The following NUSAP1 variants were observed in gnomAD, a reference collection of about 807,000 sequenced individuals.
NUSAP1 encodes the protein nucleolar and spindle-associated protein 1.
A neutral mutation model predicts 52.8 loss-of-function variants in NUSAP1; 32 were observed. The ratio of observed to expected loss-of-function variants is 0.61; its 90% CI spans 0.46 to 0.81. The LOEUF is 0.81. Among genes scored for constraint, NUSAP1 ranks in the 40% least tolerant of loss-of-function variants. The probability of loss-of-function intolerance (pLI) is 0.00; values close to 1 mark genes in which losing one functional copy is unlikely to be tolerated. For synonymous variants in NUSAP1, 195 were observed against 183.1 expected, an observed-to-expected ratio of 1.06 and a Z score of -0.52; for missense variants, 499 against 522.3, an observed-to-expected ratio of 0.96 and a Z score of 0.43.
chr15:41,373,959 G>A (rs1409170529), intron 8 of NUSAP1, among the ~76,000 whole-genome samples: 1 of 152,044 alleles, frequency 6.6e-6, no homozygotes, highest in African/African-American at 2.4e-5. Flanking sequence ...GGAGGCCAAG[G>A]CAGGTGGATC....
chr15:41,348,736 T>A (rs1205989527), intron 2 of NUSAP1, among the ~76,000 whole-genome samples: 1 of 152,120 alleles, frequency 6.6e-6, no homozygotes, highest in Non-Finnish European at 1.5e-5. Context: ...CCTTGCCGGG[T>A]CAAGTGATTA....
chr15:41,372,513 A>T (rs2049742885), intron 8 of NUSAP1, among the ~76,000 whole-genome samples: 1 of 152,166 alleles, frequency 6.6e-6, no homozygotes, highest in Non-Finnish European at 1.5e-5. Context: ...TCTCCTGTAC[A>T]TGTGCAAGAG....
chr15:41,357,602 C>T (rs980345663), intron 5 of NUSAP1, among the ~76,000 whole-genome samples: 14 of 151,882 alleles, frequency 9.2e-5, no homozygotes, highest in Non-Finnish European at 1.6e-4. Context: ...CGCCACCACA[C>T]CTGGCTAATT....
chr15:41,377,206 A>G lies in NUSAP1; in HGVS notation c.1134A>G (p.Lys378=), dbSNP rs942063795. Residue 378 remains lysine (K), a synonymous_variant, in exon 10 of 11, where the codon AAA becomes AAG. Coordinates refer to ENST00000559596, the MANE Select transcript of NUSAP1 (RefSeq NM_016359.5). The part of the protein sequence containing the change: ...LNYEPHKGKL[K]PWGQSKENNY... ...TCTGTCCTAAACTAGGAAAGCTAAA[A>G]CCATGGGGGCAATCTAAAGAAAATA... is the stretch of plus-strand genomic sequence containing the variant. 1.2e-5 allele frequency: 18 copies of G among 1,502,782 alleles called. No individual in the cohort carries two copies. The African/African-American group carries it at 1.7e-4, about 14-fold the overall frequency. The allele number at this position is 1,502,782 out of a possible 1,614,324, so 93.1% of individuals were successfully genotyped here.
intron 4 of NUSAP1, among the ~76,000 whole-genome samples, chr15:41,351,470 C>T (rs1425131112): frequency 6.6e-6 from 1 of 152,176 alleles, no homozygotes; most frequent in Non-Finnish European, 1.5e-5. Context: ...CTTAATAGGA[C>T]AGCAGTCATA....
chr15:41,336,935 C>T (rs1464908714), intron 1 of NUSAP1, among the ~76,000 whole-genome samples: 1 of 151,160 alleles, frequency 6.6e-6, no homozygotes, highest in Non-Finnish European at 1.5e-5. Context: ...AAAATAGATG[C>T]AATCAACAGA....
intron 6 of NUSAP1, among the ~76,000 whole-genome samples, chr15:41,363,889 C>A (rs1292706955): frequency 6.6e-6 from 1 of 152,122 alleles, no homozygotes; most frequent in Non-Finnish European, 1.5e-5. Flanking sequence ...TTATTTCCTT[C>A]CCTCTTTTTG....
At chr15:41,340,512 T>C (rs980517111) in intron 1 of NUSAP1, among the ~76,000 whole-genome samples, 1 of 151,316 alleles carries the variant, frequency 6.6e-6, no homozygotes, top group Non-Finnish European at 1.5e-5. Flanking sequence ...GCACAATAAA[T>C]GCTTGTTGAA....
Position 41,358,244 on chromosome 15 carries a change from A to G in NUSAP1, c.646A>G (p.Met216Val), listed in dbSNP as rs1330103326. The change falls in exon 6 of 11, where the codon ATG becomes GTG. Residue 216 changes from methionine (M) to valine (V), a missense_variant. Met to Val is a conservative substitution (Grantham distance 21, BLOSUM62 1). Coordinates refer to ENST00000559596, the MANE Select transcript of NUSAP1 (RefSeq NM_016359.5). ...GAAACATTTTGAAGAACACAATTCC[A>G]TGAATGAACTGAAGGTATGTAGATA... ...KKKHFEEHNS[M>V]NELKQQPINK... The G allele has an allele frequency of 2.1e-6, 3 of 1,450,074 alleles. No individual in the cohort carries two copies. The highest frequency in any genetic ancestry group is 2.3e-5 in the East Asian group (1 of 43,960). The allele number at this position is 1,450,074 out of a possible 1,614,324, so 89.8% of individuals were successfully genotyped here.
chr15:41,349,008 A>G, intron 2 of NUSAP1, 90 bp from the exon 3 acceptor site: 1 of 1,305,194 alleles, frequency 7.7e-7, no homozygotes, highest in Non-Finnish European at 1.1e-6. Flanking sequence ...TGCATATGTA[A>G]TATGTTTTTT....
In NUSAP1 at chr15:41,351,110, T is replaced by C; in HGVS notation, c.429T>C (p.Ala143=). 6.2e-7 allele frequency: 1 copy of C among 1,611,832 alleles called. No individual in the cohort carries two copies. The highest frequency in any genetic ancestry group is 8.5e-7 in the Non-Finnish European group (1 of 1,179,302). Residue 143 remains alanine (A), a synonymous_variant, in exon 4 of 11, where the codon GCT becomes GCC. Transcript: ENST00000559596. The part of the protein sequence containing the change: ...VPSPPDEHQE[A]ENAVSSGNRD... ...CTCCACCAGACGAGCACCAAGAAGC[T>C]GAGAATGCTGTTTCCTCAGGTAAAC... is the stretch of plus-strand genomic sequence containing the variant.
At chr15:41,374,238 A>T (rs1180645756) in intron 8 of NUSAP1, among the ~76,000 whole-genome samples, 2 of 152,156 alleles carry the variant, frequency 1.3e-5, no homozygotes, top group Non-Finnish European at 2.9e-5. Context: ...TGTATCTTAT[A>T]AACAGCGGTA....
At chr15:41,365,766 G>C in intron 7 of NUSAP1, 177 bp downstream of exon 7, 1 of 339,944 alleles carries the variant, frequency 2.9e-6, no homozygotes, top group Admixed American at 5.0e-5. Context: ...TGTCGCCCAG[G>C]CTGGAGTGCA....
intron 1 of NUSAP1, among the ~76,000 whole-genome samples, chr15:41,341,751 C>T (rs1303796152): frequency 6.6e-5 from 10 of 152,224 alleles, no homozygotes; most frequent in African/African-American, 2.4e-4. Flanking sequence ...AGGTAGACTA[C>T]TCATTCTGAG....
At chr15:41,350,962 C>T in intron 3 of NUSAP1, 26 bp from the exon 4 acceptor site, 1 of 1,576,660 alleles carries the variant, frequency 6.3e-7, no homozygotes, top group Non-Finnish European at 8.6e-7. Context: ...TCATCGAAAT[C>T]TTTTATTTCC....
chr15:41,348,112 G>A (rs1177336806), intron 2 of NUSAP1, among the ~76,000 whole-genome samples: 1 of 152,078 alleles, frequency 6.6e-6, no homozygotes, highest in Admixed American at 6.6e-5. Context: ...AACAGAGCAA[G>A]ACCTTGTCTC....
intron 2 of NUSAP1, chr15:41,343,261 A>G (rs2048428574): frequency 6.6e-6 from 1 of 152,246 alleles, no homozygotes. Flanking sequence ...GGGAGTTGTC[A>G]TGGCCGCTTC....
chr15:41,334,454 G>A (rs555974717), intron 1 of NUSAP1, among the ~76,000 whole-genome samples: 17 of 152,240 alleles, frequency 1.1e-4, no homozygotes, highest in African/African-American at 3.8e-4. Flanking sequence ...CTAAGTGCCT[G>A]TTGGGGCTGA....
intron 8 of NUSAP1, among the ~76,000 whole-genome samples, chr15:41,373,455 T>TC (rs1475087743): frequency 6.7e-6 from 1 of 149,054 alleles, no homozygotes; most frequent in African/African-American, 2.5e-5. Context: ...ATTCTTTTTT[T>TC]TTTTTTTTTT....
Sources: allele counts gnomAD v4.1 joint callset (sites outside exome capture counted in the v4.1 genomes callset), GRCh38; gene constraint gnomAD v4.1.1; transcripts MANE v1.5; gene names NCBI Gene and HGNC (gene_info 2026-07-23, HGNC 2026-07-21).